The following MAPKAP1 variants were observed in gnomAD, a reference collection of about 807,000 sequenced individuals.
MAPKAP1 encodes target of rapamycin complex 2 subunit MAPKAP1.
MAPKAP1 carries 20 observed loss-of-function variants against 65.7 expected under a neutral mutation model. That is an observed-to-expected ratio of 0.30 (90% CI 0.21 to 0.44). The LOEUF is 0.44. Among genes scored for constraint, MAPKAP1 ranks in the 20% least tolerant of loss-of-function variants. The pLI, the probability that MAPKAP1 is intolerant of heterozygous loss-of-function variation, is 1.00. For synonymous variants in MAPKAP1, 222 were observed against 244.3 expected, an observed-to-expected ratio of 0.91 and a Z score of 0.85; for missense variants, 423 against 648.0, an observed-to-expected ratio of 0.65 and a Z score of 3.77.
At chr9:125,656,148 G>A (rs956915031) in intron 4 of MAPKAP1, among the ~76,000 whole-genome samples, 18 of 152,130 alleles carry the variant, frequency 1.2e-4, no homozygotes, top group Non-Finnish European at 1.3e-4. Context: ...ATGGTATCAG[G>A]CAATGGAAGC....
At chr9:125,443,764 T>C (rs1048992395) in intron 11 of MAPKAP1, among the ~76,000 whole-genome samples, 3 of 141,210 alleles carry the variant, frequency 2.1e-5, no homozygotes, top group African/African-American at 5.2e-5. Flanking sequence ...CCAGGCTGCC[T>C]GTCTGTGGTG....
chr9:125,600,157 CA>C (rs2131608818), intron 4 of MAPKAP1, among the ~76,000 whole-genome samples: 1 of 149,072 alleles, frequency 6.7e-6, no homozygotes, highest in African/African-American at 2.5e-5. Flanking sequence ...GAAAAACTAG[CA>C]ATCATTCATG....
rs1564622561 is a variant in MAPKAP1 at position 125,698,316 on chromosome 9, T to TATATATATATAAA, written c.-70+8654_-70+8655insTTTATATATATAT. Among the ~76,000 whole-genome samples, 64 of 86,636 alleles carry TATATATATATAAA rather than the reference T, an allele frequency of 7.4e-4. 1 individual carries two copies. Among genetic ancestry groups the TATATATATATAAA allele is most frequent in the Admixed American group, 4.1e-3 (29 of 7,080 alleles). 56.8% of individuals were successfully genotyped at this position (86,636 alleles called of 152,430 possible). ...ATATATATATATATATATATATATATATATATATATATATATATATAAAAT... is the reference window on the plus strand; with the variant it reads ...ATATATATATATATATATATATATATATATATATATAAAATATATATATATATATATATAAAAT... On this transcript the variant is annotated intron_variant, in intron 1 of 11. Coordinates refer to ENST00000265960, the MANE Select transcript of MAPKAP1 (RefSeq NM_001006617.3).
intron 1 of MAPKAP1, among the ~76,000 whole-genome samples, chr9:125,677,522 C>A (rs1834684231): frequency 1.3e-5 from 2 of 152,052 alleles, no homozygotes; most frequent in Admixed American, 1.3e-4. Context: ...ATGCTGAAAC[C>A]CCGTCTCTAC....
At chr9:125,528,613 C>T (rs1180697690) in intron 7 of MAPKAP1, among the ~76,000 whole-genome samples, 1 of 152,082 alleles carries the variant, frequency 6.6e-6, no homozygotes, top group Non-Finnish European at 1.5e-5. Context: ...CTTTGGGAGG[C>T]CGAGGCAGGT....
intron 9 of MAPKAP1, among the ~76,000 whole-genome samples, chr9:125,472,412 T>C (rs1853955968): frequency 6.6e-6 from 1 of 152,248 alleles, no homozygotes; most frequent in Admixed American, 6.5e-5. Flanking sequence ...TGTTCACAAA[T>C]GCCAATAAAT....
intron 9 of MAPKAP1, among the ~76,000 whole-genome samples, chr9:125,483,442 A>G (rs1016885526): frequency 6.6e-6 from 1 of 152,238 alleles, no homozygotes; most frequent in Non-Finnish European, 1.5e-5. Flanking sequence ...ACTAATGCCA[A>G]CATTAGAAAA....
intron 6 of MAPKAP1, among the ~76,000 whole-genome samples, chr9:125,557,574 A>G (rs1193849657): frequency 2.0e-5 from 3 of 152,174 alleles, no homozygotes; most frequent in Non-Finnish European, 2.9e-5. Flanking sequence ...CCTACTTACA[A>G]GGCATGATCC....
intron 1 of MAPKAP1, among the ~76,000 whole-genome samples, chr9:125,704,139 A>G (rs1172969633): frequency 6.6e-6 from 1 of 152,186 alleles, no homozygotes; most frequent in Non-Finnish European, 1.5e-5. Flanking sequence ...GAGGGTCCGC[A>G]TCCACATCAC....
intron 4 of MAPKAP1, among the ~76,000 whole-genome samples, chr9:125,593,203 C>CTGAG (rs1486681807): frequency 1.3e-5 from 2 of 152,082 alleles, no homozygotes; most frequent in African/African-American, 4.8e-5. Flanking sequence ...ACCCCAGAGG[C>CTGAG]TGAGGCACAG....
chr9:125,689,436 G>GAA (rs911746619), intron 1 of MAPKAP1, among the ~76,000 whole-genome samples: 357 of 15,244 alleles, frequency 0.023, 35 homozygotes, highest in African/African-American at 0.046. Flanking sequence ...CTCCATCTCG[G>GAA]AAAAAAAAAA....
chr9:125,500,674 A>G (rs934339622), intron 8 of MAPKAP1, among the ~76,000 whole-genome samples: 3 of 152,228 alleles, frequency 2.0e-5, no homozygotes, highest in African/African-American at 7.2e-5. Flanking sequence ...AAGGGGAATT[A>G]GGGGATGGAA....
At chr9:125,465,838 G>T (rs1457949032) in intron 10 of MAPKAP1, among the ~76,000 whole-genome samples, 2 of 152,156 alleles carry the variant, frequency 1.3e-5, no homozygotes, top group Non-Finnish European at 2.9e-5. Flanking sequence ...ACTGGAGCTG[G>T]GTCTTGAAAA....
intron 10 of MAPKAP1, among the ~76,000 whole-genome samples, chr9:125,450,014 C>T (rs1039207280): frequency 6.6e-6 from 1 of 152,042 alleles, no homozygotes; most frequent in African/African-American, 2.4e-5. Flanking sequence ...CCTCTGCCTG[C>T]TGGGTTCAAG....
chr9:125,603,208 C>T (rs1262957065), intron 4 of MAPKAP1, among the ~76,000 whole-genome samples: 3 of 152,096 alleles, frequency 2.0e-5, no homozygotes, highest in Non-Finnish European at 4.4e-5. Flanking sequence ...CGCACCCAGC[C>T]TCTGTCTGAT....
chr9:125,487,865 C>T (rs895688694), intron 8 of MAPKAP1, among the ~76,000 whole-genome samples: 4 of 152,144 alleles, frequency 2.6e-5, no homozygotes, highest in Admixed American at 6.5e-5. Context: ...TTGTTTAATA[C>T]ACCAGCTAAT....
At chr9:125,477,273 G>C (rs140405929) in intron 9 of MAPKAP1, among the ~76,000 whole-genome samples, 1 of 152,178 alleles carries the variant, frequency 6.6e-6, no homozygotes, top group African/African-American at 2.4e-5. Flanking sequence ...ACATGGGAAC[G>C]GTCTACACTG....
At chr9:125,481,429 T>C (rs1053727326) in intron 9 of MAPKAP1, among the ~76,000 whole-genome samples, 1 of 152,132 alleles carries the variant, frequency 6.6e-6, no homozygotes, top group Admixed American at 6.5e-5. Context: ...ATTGGGCTTC[T>C]TTTTTTCCTT....
chr9:125,557,850 T>C lies in MAPKAP1; in HGVS notation c.848+1783A>G, dbSNP rs1484694410. On this transcript the variant is annotated intron_variant, in intron 6 of 11. Transcript: ENST00000265960. ...GACTGTAGGAATTAAGAACAAATAC[T>C]GAAACGTTTATAATTTATTATTTTT... Among the ~76,000 whole-genome samples, 10 of 152,252 alleles carry C rather than the reference T, an allele frequency of 6.6e-5. No individual in the cohort carries two copies. The South Asian group carries it at 1.9e-3, about 28-fold the overall frequency.
Sources: allele counts gnomAD v4.1 joint callset (sites outside exome capture counted in the v4.1 genomes callset), GRCh38; gene constraint gnomAD v4.1.1; transcripts MANE v1.5; gene names NCBI Gene and HGNC (gene_info 2026-07-23, HGNC 2026-07-21).